Variants in OR8K3 observed in about 807,000 individuals in gnomAD.
OR8K3 encodes olfactory receptor family 8 subfamily K member 3 (gene/pseudogene), also known as olfactory receptor 8K3.
For missense variants in OR8K3, 448 were observed against 367.4 expected (o/e 1.22, Z -1.79); for synonymous variants, 167 against 138.8 (o/e 1.20, Z -1.43).
rs2134871700 is a variant in OR8K3 at position 56,320,449 on chromosome 11, A to G, written c.*1204A>G. 1 of 152,180 alleles carries G rather than the reference A, an allele frequency of 6.6e-6. No individual in the cohort carries two copies. Among genetic ancestry groups the G allele is most frequent in the Admixed American group, 6.5e-5 (1 of 15,292 alleles). The allele number at this position is 152,180 out of a possible 1,614,324, so 9.4% of individuals were successfully genotyped here. A position where few individuals can be genotyped will look rare whatever the true frequency, so the allele number is the denominator to read the frequency against. The stretch of plus-strand genomic sequence containing the variant: ...TTTCCTTAACTCCATATGTTTTCTT[A>G]TGTATTTTGATTTCCTTTATTCTTT... On this transcript the variant is annotated 3_prime_UTR_variant, in exon 3 of 3. Coordinates refer to ENST00000641662, the MANE Select transcript of OR8K3 (RefSeq NM_001005202.2).
In OR8K3 at chr11:56,318,590, A is replaced by G. The variant is rs1333987828; in HGVS notation, c.284A>G (p.Tyr95Cys). The change falls in exon 3 of 3, where the codon TAT becomes TGT. Residue 95 changes from tyrosine to cysteine, a missense_variant. By Grantham distance (194) the Tyr-to-Cys change is radical. Coordinates refer to ENST00000641662, the MANE Select transcript of OR8K3 (RefSeq NM_001005202.2). The stretch of plus-strand genomic sequence containing the variant: ...GTGGATAAGAATATAATTTCTTATT[A>G]TTTTTGTGCAACACAGCTAGCTTTC... ...FVVDKNIISYYFCATQLAFFL... is the reference protein window; with the variant it reads ...FVVDKNIISYCFCATQLAFFL... 4 of 1,613,406 alleles carry G rather than the reference A, an allele frequency of 2.5e-6. No homozygotes were observed. The South Asian group carries it at 3.3e-5, about 13-fold the overall frequency.
rs1854495510 is a variant in OR8K3, at chr11:56,319,393, A to T, written c.*148A>T. 1.7e-6 allele frequency: 1 copy of T among 584,954 alleles called. No homozygotes were observed. Among genetic ancestry groups the T allele is most frequent in the Non-Finnish European group, 3.0e-6 (1 of 330,860 alleles). 36.2% of individuals were successfully genotyped at this position (584,954 alleles called of 1,614,324 possible). A position where few individuals can be genotyped will look rare whatever the true frequency, so the allele number is the denominator to read the frequency against. On this transcript the variant is annotated 3_prime_UTR_variant, in exon 3 of 3. Transcript: ENST00000641662. ...AGGCTCTTCTAATTGCTATACATAG[A>T]TTAATAAACAAAATAGTAGAAATCT...
In OR8K3 at chr11:56,320,364, G is replaced by C. The variant is rs1307564768; in HGVS notation, c.*1119G>C. 1 of 152,172 alleles carries C rather than the reference G, an allele frequency of 6.6e-6. No homozygotes were observed. Among genetic ancestry groups the C allele is most frequent in the Non-Finnish European group, 1.5e-5 (1 of 68,014 alleles). The allele number at this position is 152,172 out of a possible 1,614,324, so 9.4% of individuals were successfully genotyped here. ...TTTGACAGTTACAGACCTTCACCAT[G>C]CAAGTGAGGTCTGATCTGTATGCAA... On this transcript the variant is annotated 3_prime_UTR_variant, in exon 3 of 3. Transcript: ENST00000641662.
chr11:56,315,285 G>A (rs1465148224), intron 1 of OR8K3, 118 bp downstream of exon 1: 2 of 152,112 alleles, frequency 1.3e-5, no homozygotes, highest in Non-Finnish European at 2.9e-5. Flanking sequence ...ATAGTAAAGT[G>A]TGACAATTTC....
intron 2 of OR8K3, among the ~76,000 whole-genome samples, chr11:56,316,686 G>T (rs1854447280): frequency 6.6e-6 from 1 of 151,872 alleles, no homozygotes; most frequent in Non-Finnish European, 1.5e-5. Context: ...ATGTTATTGT[G>T]TAACAAGGTG....
chr11:56,315,904 A>T (rs1308166507), intron 1 of OR8K3, 96 bp from the exon 2 acceptor site: 1 of 152,068 alleles, frequency 6.6e-6, no homozygotes, highest in Admixed American at 6.6e-5. Flanking sequence ...ACAAAAGCAG[A>T]TATTATTTTC....
rs2134868017 is a variant in OR8K3, at chr11:56,318,405, G to C, written c.99G>C (p.Met33Ile). The change falls in exon 3 of 3, where the codon ATG becomes ATC. Residue 33 changes from methionine to isoleucine, a missense_variant. By Grantham distance (10) the Met-to-Ile change is conservative. Transcript: ENST00000641662. ...LQAPLFALFL[M>I]IYVISVMGNL... ...CACCATTATTTGCATTGTTCCTCAT[G>C]ATCTATGTGATCTCAGTGATGGGCA... 1 of 1,613,832 alleles carries C rather than the reference G, an allele frequency of 6.2e-7. No homozygotes were observed.
chr11:56,318,475 A>G lies in OR8K3; in HGVS notation c.169A>G (p.Thr57Ala). 6.2e-7 allele frequency: 1 copy of G among 1,614,034 alleles called. No individual in the cohort carries two copies. Among genetic ancestry groups the G allele is most frequent in the Non-Finnish European group, 8.5e-7 (1 of 1,179,962 alleles). The part of the protein sequence containing the change: ...VLTKLDSRLQ[T>A]PMYFFLRHLA... ...CACCAAGTTGGACTCCAGGTTGCAAACCCCTATGTACTTTTTTCTCAGACA... is the reference window on the plus strand; with the variant it reads ...CACCAAGTTGGACTCCAGGTTGCAAGCCCCTATGTACTTTTTTCTCAGACA... Residue 57 changes from threonine to alanine, a missense_variant, in exon 3 of 3, where the codon ACC becomes GCC. Coordinates refer to ENST00000641662, the MANE Select transcript of OR8K3 (RefSeq NM_001005202.2).
At chr11:56,317,782 T>C (rs1340988127) in intron 2 of OR8K3, among the ~76,000 whole-genome samples, 3 of 152,132 alleles carry the variant, frequency 2.0e-5, no homozygotes, top group South Asian at 2.1e-4. Flanking sequence ...TATATATCTA[T>C]ACAGACATGA....
intron 2 of OR8K3, 137 bp downstream of exon 2, chr11:56,316,194 TTACCATATATC>T (rs988528746): frequency 2.0e-5 from 3 of 151,974 alleles, no homozygotes; most frequent in African/African-American, 7.2e-5. Flanking sequence ...CTGCCACACA[TTACCATATATC>T]TAATATGAGA....
In OR8K3 at chr11:56,318,644, T is replaced by G; in HGVS notation, c.338T>G (p.Phe113Cys). 6.2e-7 allele frequency: 1 copy of G among 1,613,880 alleles called. No individual in the cohort carries two copies. Among genetic ancestry groups the G allele is most frequent in the Non-Finnish European group, 8.5e-7 (1 of 1,179,758 alleles). The change falls in exon 3 of 3, where the codon TTT (phenylalanine) becomes TGT (cysteine). Residue 113 changes from phenylalanine (F) to cysteine (C), a missense_variant. Physicochemically the swap from Phe to Cys is radical, Grantham distance 205. Transcript: ENST00000641662. ...FFLVFIGSEL[F>C]ILSAMSYDLY... ...CTTGTGTTCATTGGTAGTGAACTTT[T>G]TATTCTCTCAGCCATGTCCTACGAC...
intron 2 of OR8K3, 125 bp from the exon 3 acceptor site, chr11:56,318,159 A>G: frequency 1.8e-6 from 1 of 546,522 alleles, no homozygotes; most frequent in South Asian, 3.0e-5. Flanking sequence ...TTTATTTGTG[A>G]GAGGTATGTT....
rs1180399221 is a variant in OR8K3, at chr11:56,320,538, T to TA, written c.*1297dup. On this transcript the variant is annotated 3_prime_UTR_variant, in exon 3 of 3. Transcript: ENST00000641662. ...ACAATATTTTCTTGGTTCACCATCA[T>TA]AAAATAAAATCCCATGTGCAGCCAA... 1 of 152,212 alleles carries TA rather than the reference T, an allele frequency of 6.6e-6. No homozygotes were observed. The highest frequency in any genetic ancestry group is 1.5e-5 in the Non-Finnish European group (1 of 68,032). The allele number at this position is 152,212 out of a possible 1,614,324, so 9.4% of individuals were successfully genotyped here.
At position 56,319,734 on chromosome 11, in the gene OR8K3, C is replaced by G. The variant is rs1368981601; in HGVS notation, c.*489C>G. On this transcript the variant is annotated 3_prime_UTR_variant, in exon 3 of 3. Transcript: ENST00000641662. ...GTATATTCTGACATTGCATTTAATACTGGTTGTTTAGATGATATGTGATGA... is the reference window on the plus strand; with the variant it reads ...GTATATTCTGACATTGCATTTAATAGTGGTTGTTTAGATGATATGTGATGA... 1.9e-5 allele frequency: 3 copies of G among 155,864 alleles called. No individual in the cohort carries two copies. Among genetic ancestry groups the G allele is most frequent in the Non-Finnish European group, 4.3e-5 (3 of 70,260 alleles). 9.7% of individuals were successfully genotyped at this position (155,864 alleles called of 1,614,324 possible).
At position 56,319,684 on chromosome 11, in the gene OR8K3, G is replaced by A. The variant is rs768314872; in HGVS notation, c.*439G>A. 1 of 159,946 alleles carries A rather than the reference G, an allele frequency of 6.3e-6. No individual in the cohort carries two copies. The highest frequency in any genetic ancestry group is 1.4e-5 in the Non-Finnish European group (1 of 72,650). The allele number at this position is 159,946 out of a possible 1,614,324, so 9.9% of individuals were successfully genotyped here. On this transcript the variant is annotated 3_prime_UTR_variant, in exon 3 of 3. Coordinates refer to ENST00000641662, the MANE Select transcript of OR8K3 (RefSeq NM_001005202.2). ...TTGTGTATATAAGCATTTTCCTTCT[G>A]TTTTAGCCTTCATACTTTTTGCTTG...
chr11:56,316,395 T>C (rs891012893), intron 2 of OR8K3, among the ~76,000 whole-genome samples: 1 of 149,008 alleles, frequency 6.7e-6, no homozygotes, highest in African/African-American at 2.5e-5. Flanking sequence ...AACTATTTTC[T>C]TTCTTTTCTT....
chr11:56,317,440 T>A (rs1490898678), intron 2 of OR8K3, among the ~76,000 whole-genome samples: 1 of 152,120 alleles, frequency 6.6e-6, no homozygotes, highest in African/African-American at 2.4e-5. Flanking sequence ...TATATCCATA[T>A]ATTTCCTGAT....
At position 56,318,667 on chromosome 11, in the gene OR8K3, G is replaced by A. The variant is rs199698252; in HGVS notation, c.361G>A (p.Asp121Asn). The change falls in exon 3 of 3, where the codon GAC becomes AAC. Residue 121 changes from aspartate (D) to asparagine (N), a missense_variant. Transcript: ENST00000641662. Reference sequence around the variant, plus strand: ...TTTTATTCTCTCAGCCATGTCCTACGACCTCTATGTGGCCATCTGTAACCC... The same window carrying A: ...TTTTATTCTCTCAGCCATGTCCTACAACCTCTATGTGGCCATCTGTAACCC... ...ELFILSAMSY[D>N]LYVAICNPLL... 6.8e-6 allele frequency: 11 copies of A among 1,613,574 alleles called. No individual in the cohort carries two copies. The highest frequency in any genetic ancestry group is 4.0e-5 in the African/African-American group (3 of 74,864).
Position 56,318,868 on chromosome 11 carries a change from C to T in OR8K3, c.562C>T (p.Leu188Phe). The change falls in exon 3 of 3, where the codon CTT (leucine) becomes TTT (phenylalanine). Residue 188 changes from leucine to phenylalanine, a missense_variant. Leu to Phe is a conservative substitution (Grantham distance 22). Transcript: ENST00000641662. ...TGACAGTCTCCCTTTGTTACCTTTG[C>T]TTTGTTCAAATACACATGAAATTGA... ...YCDSLPLLPL[L>F]CSNTHEIELI... The T allele has an allele frequency of 3.1e-6, 5 of 1,614,014 alleles. No individual in the cohort carries two copies. The highest frequency in any genetic ancestry group is 4.2e-6 in the Non-Finnish European group (5 of 1,179,880).
Sources: gnomAD v4.1 joint callset for allele counts (sites outside exome capture counted in the v4.1 genomes callset) on GRCh38, gnomAD v4.1.1 for gene constraint, MANE v1.5 for transcripts, NCBI Gene and HGNC (gene_info 2026-07-23, HGNC 2026-07-21) for gene names.